Variants in HS6ST3 observed in about 807,000 individuals in gnomAD.
HS6ST3 encodes the protein heparan-sulfate 6-O-sulfotransferase 3.
HS6ST3 carries 12 observed loss-of-function variants against 36.7 expected under a neutral mutation model. That is an observed-to-expected ratio of 0.33 (90% CI 0.21 to 0.53). The LOEUF is 0.53. Ranked by LOEUF, HS6ST3 falls within the 20% of genes least tolerant of loss-of-function variation. The probability of loss-of-function intolerance (pLI) is 0.95; values close to 1 mark genes in which losing one functional copy is unlikely to be tolerated. For missense variants in HS6ST3, 584 were observed against 640.9 expected (o/e 0.91, Z 0.96); for synonymous variants, 240 against 257.5 (o/e 0.93, Z 0.65).
intron 1 of HS6ST3, among the ~76,000 whole-genome samples, chr13:96,505,103 A>T (rs1457948979): frequency 1.3e-5 from 2 of 152,176 alleles, no homozygotes; most frequent in African/African-American, 4.8e-5. Flanking sequence ...GAATTTTCTA[A>T]ATGATCTCCC....
At chr13:96,556,985 C>G (rs9584382) in intron 1 of HS6ST3, among the ~76,000 whole-genome samples, 10,084 of 152,240 alleles carry the variant, frequency 0.066, 540 homozygotes, top group African/African-American at 0.15. Flanking sequence ...AGATGGCCCT[C>G]TATCTGATGT....
chr13:96,651,497 G>A (rs1436460769), intron 1 of HS6ST3, among the ~76,000 whole-genome samples: 1 of 151,978 alleles, frequency 6.6e-6, no homozygotes, highest in African/African-American at 2.4e-5. Flanking sequence ...TGCTCTCCAG[G>A]TGTATGAATC....
rs533105359 is a variant in HS6ST3, at chr13:96,192,893, C to T, written c.707+101324C>T. Among the ~76,000 whole-genome samples the T allele has an allele frequency of 9.2e-4, 140 of 152,078 alleles. 1 individual carries two copies. Among genetic ancestry groups the T allele is most frequent in the Non-Finnish European group, 1.6e-3 (107 of 67,996 alleles). On this transcript the variant is annotated intron_variant, in intron 1 of 1. Coordinates refer to ENST00000376705, the MANE Select transcript of HS6ST3 (RefSeq NM_153456.4). The stretch of plus-strand genomic sequence containing the variant: ...ACTTGGGAAAAAGTGAAAAATGGTG[C>T]AATATAAGGACGGGTTGAAGGAAAA...
chr13:96,538,597 C>T (rs767778092), intron 1 of HS6ST3, among the ~76,000 whole-genome samples: 5 of 152,260 alleles, frequency 3.3e-5, no homozygotes, highest in Middle Eastern at 3.4e-3. Context: ...GCACATGCCA[C>T]CATGCCCGGC....
intron 1 of HS6ST3, among the ~76,000 whole-genome samples, chr13:96,379,197 CTTTAA>C (rs1316062855): frequency 5.9e-5 from 9 of 152,262 alleles, no homozygotes; most frequent in East Asian, 5.8e-4. Context: ...CAAAAAAAAT[CTTTAA>C]TTTAAGTTCT....
intron 1 of HS6ST3, among the ~76,000 whole-genome samples, chr13:96,166,705 C>G (rs1305387817): frequency 6.6e-6 from 1 of 151,608 alleles, no homozygotes; most frequent in Non-Finnish European, 1.5e-5. Context: ...AGCCACTGTA[C>G]CCTGCCATAA....
intron 1 of HS6ST3, among the ~76,000 whole-genome samples, chr13:96,428,570 C>T (rs530534560): frequency 1.3e-5 from 2 of 152,082 alleles, no homozygotes; most frequent in African/African-American, 4.8e-5. Context: ...CTCAAAAGGA[C>T]ACCAGTCATT....
At chr13:96,333,766 A>G (rs2055085117) in intron 1 of HS6ST3, among the ~76,000 whole-genome samples, 2 of 152,184 alleles carry the variant, frequency 1.3e-5, no homozygotes, top group Non-Finnish European at 2.9e-5. Context: ...ACACATGAAT[A>G]GATGAAAGGC....
chr13:96,468,035 A>T (rs186080122), intron 1 of HS6ST3, among the ~76,000 whole-genome samples: 5 of 152,300 alleles, frequency 3.3e-5, no homozygotes, highest in Admixed American at 1.3e-4. Context: ...CCTGGGGGGA[A>T]GTATTCAGTC....
intron 1 of HS6ST3, among the ~76,000 whole-genome samples, chr13:96,572,314 A>T (rs1302889604): frequency 6.6e-6 from 1 of 152,204 alleles, no homozygotes; most frequent in Non-Finnish European, 1.5e-5. Context: ...CTTTCTGATC[A>T]TTTAAGTAGA....
At chr13:96,625,645 G>A (rs998172924) in intron 1 of HS6ST3, among the ~76,000 whole-genome samples, 4 of 151,828 alleles carry the variant, frequency 2.6e-5, no homozygotes, top group African/African-American at 9.7e-5. Flanking sequence ...AGTTTCTTGT[G>A]TTTATAAGCC....
At chr13:96,211,465 A>C (rs1306924051) in intron 1 of HS6ST3, among the ~76,000 whole-genome samples, 1 of 152,184 alleles carries the variant, frequency 6.6e-6, no homozygotes, top group African/African-American at 2.4e-5. Context: ...TTATGTAAAT[A>C]GATGTTTGCT....
Position 96,354,898 on chromosome 13 carries a change from C to T in HS6ST3, c.707+263329C>T, listed in dbSNP as rs893121360. On this transcript the variant is annotated intron_variant, in intron 1 of 1. Transcript: ENST00000376705. Reference sequence around the variant, plus strand: ...TCCAGACTATTCTGATTCAAGCTACCGTAAGATAAGGAATAATTTCCCCAA... The same window carrying T: ...TCCAGACTATTCTGATTCAAGCTACTGTAAGATAAGGAATAATTTCCCCAA... Among the ~76,000 whole-genome samples the T allele has an allele frequency of 8.6e-5, 13 of 152,000 alleles. No homozygotes were observed. In the East Asian group the frequency reaches 1.2e-3, roughly 14 times the overall value.
chr13:96,328,483 T>G (rs575792952), intron 1 of HS6ST3, among the ~76,000 whole-genome samples: 12,677 of 152,080 alleles, frequency 0.083, 574 homozygotes, highest in Middle Eastern at 0.11. Flanking sequence ...TGGATTACAT[T>G]TATTGATTTG....
intron 1 of HS6ST3, among the ~76,000 whole-genome samples, chr13:96,681,049 G>A (rs529861861): frequency 5.9e-5 from 9 of 152,134 alleles, no homozygotes; most frequent in Admixed American, 6.6e-5. Context: ...TCCTCAAAAC[G>A]TGCCATATAG....
chr13:96,571,104 A>G (rs1385376504), intron 1 of HS6ST3, among the ~76,000 whole-genome samples: 1 of 152,196 alleles, frequency 6.6e-6, no homozygotes, highest in Non-Finnish European at 1.5e-5. Context: ...AAGCTGAAAA[A>G]TCTAGATGAT....
In HS6ST3 at chr13:96,662,573, C is replaced by T. The variant is rs61967757; in HGVS notation, c.708-169917C>T. Among the ~76,000 whole-genome samples, 562 of 150,948 alleles carry T rather than the reference C, an allele frequency of 3.7e-3. 1 individual carries two copies. The highest frequency in any genetic ancestry group is 6.6e-3 in the Non-Finnish European group (445 of 67,722). ...TGGTTTTCAGCTTTCTCTTGGATCTCATTGAACTTCCTTAAAATCTATATT... is the reference window on the plus strand; with the variant it reads ...TGGTTTTCAGCTTTCTCTTGGATCTTATTGAACTTCCTTAAAATCTATATT... On this transcript the variant is annotated intron_variant, in intron 1 of 1. Coordinates refer to ENST00000376705, the MANE Select transcript of HS6ST3 (RefSeq NM_153456.4).
chr13:96,519,145 T>C (rs1453770954), intron 1 of HS6ST3, among the ~76,000 whole-genome samples: 1 of 152,202 alleles, frequency 6.6e-6, no homozygotes. Flanking sequence ...GAAGATGTGT[T>C]CTTAGGGACA....
At chr13:96,146,963 A>G (rs891790894) in intron 1 of HS6ST3, among the ~76,000 whole-genome samples, 6 of 152,246 alleles carry the variant, frequency 3.9e-5, no homozygotes, top group Admixed American at 6.5e-5. Context: ...CCATCTATCA[A>G]TAAACACAGG....
Sources: gnomAD v4.1 joint callset for allele counts (sites outside exome capture counted in the v4.1 genomes callset) on GRCh38, gnomAD v4.1.1 for gene constraint, MANE v1.5 for transcripts, NCBI Gene and HGNC (gene_info 2026-07-23, HGNC 2026-07-21) for gene names.